Variants in ZBTB41 observed in about 807,000 individuals in gnomAD.
ZBTB41 encodes zinc finger and BTB domain containing 41, also known as zinc finger and BTB domain-containing protein 41.
ZBTB41 carries 42 observed loss-of-function variants against 87.6 expected under a neutral mutation model. The observed-to-expected ratio is 0.48, with a 90% confidence interval of 0.37 to 0.62. The LOEUF (loss-of-function observed/expected upper bound fraction) is 0.62, where lower values mean the gene tolerates loss of function less well. Among genes scored for constraint, ZBTB41 ranks in the 20% least tolerant of loss-of-function variants. The probability of loss-of-function intolerance (pLI) is 0.00; values close to 1 mark genes in which losing one functional copy is unlikely to be tolerated. For missense variants in ZBTB41, 799 were observed against 1,078.9 expected, an observed-to-expected ratio of 0.74 and a Z score of 3.63; for synonymous variants, 364 against 364.0, an observed-to-expected ratio of 1.00 and a Z score of 0.00.
At chr1:197,165,518 G>A in intron 10 of ZBTB41, among the ~76,000 whole-genome samples, 1 of 151,726 alleles carries the variant, frequency 6.6e-6, no homozygotes, top group East Asian at 1.9e-4. Flanking sequence ...GCTGAGGCGG[G>A]AGAATGGCGT....
intron 10 of ZBTB41, among the ~76,000 whole-genome samples, chr1:197,170,148 G>A (rs1369794760): frequency 6.6e-6 from 1 of 151,554 alleles, no homozygotes; most frequent in Non-Finnish European, 1.5e-5. Flanking sequence ...ATGAGGATAT[G>A]GAGAAAAGAC....
chr1:197,172,113 A>C (rs6428389), intron 10 of ZBTB41, 47 bp downstream of exon 10: 601,134 of 706,074 alleles, frequency 0.85, 262,181 homozygotes, highest in East Asian at 0.98. Flanking sequence ...CACTATATAT[A>C]TCTCTCTCTA....
chr1:197,175,195 A>G (rs1659573774), intron 8 of ZBTB41, 80 bp from the exon 9 acceptor site: 3 of 1,148,060 alleles, frequency 2.6e-6, no homozygotes, highest in Non-Finnish European at 3.7e-6. Flanking sequence ...TCAAACAGTA[A>G]GATCACATGA....
At chr1:197,176,866 T>C (rs539412711) in intron 7 of ZBTB41, among the ~76,000 whole-genome samples, 196 bp from the exon 8 acceptor site, 6 of 152,224 alleles carry the variant, frequency 3.9e-5, no homozygotes, top group Admixed American at 1.3e-4. Flanking sequence ...TACTCATCTC[T>C]TTCAAGAAAG....
chr1:197,159,828 T>C lies in ZBTB41; in HGVS notation c.2261A>G (p.Asp754Gly), dbSNP rs1659157036. The change falls in exon 11 of 11, where the codon GAT becomes GGT. Residue 754 changes from aspartate to glycine, a missense_variant. This residue lies in a region of ZBTB41 where 171 missense variants were observed against 191.9 expected (regional missense o/e 0.89). Coordinates refer to ENST00000367405, the MANE Select transcript of ZBTB41 (RefSeq NM_194314.3). The stretch of plus-strand genomic sequence containing the variant: ...TTTTTCCTCAGAAGTACTGAGAGGA[T>C]CATCAGGAGATTTTATTTCATGAAC... ...DHVHEIKSPD[D>G]PLSTSEEKLV... 1 of 1,613,878 alleles carries C rather than the reference T, an allele frequency of 6.2e-7. No homozygotes were observed. Among genetic ancestry groups the C allele is most frequent in the African/African-American group, 1.3e-5 (1 of 74,924 alleles).
At chr1:197,176,746 G>A (rs1056557096) in intron 7 of ZBTB41, 76 bp from the exon 8 acceptor site, 14 of 1,048,012 alleles carry the variant, frequency 1.3e-5, no homozygotes, top group Non-Finnish European at 1.5e-5. Flanking sequence ...AATAAATGAT[G>A]AATAAACAAT....
chr1:197,193,395 A>C (rs988466556), intron 2 of ZBTB41, among the ~76,000 whole-genome samples: 24 of 150,642 alleles, frequency 1.6e-4, no homozygotes, highest in East Asian at 5.9e-4. Context: ...CAAAAAAAAA[A>C]CCAAAAAAAC....
chr1:197,171,323 T>C (rs1487892874), intron 10 of ZBTB41, among the ~76,000 whole-genome samples: 1 of 152,116 alleles, frequency 6.6e-6, no homozygotes, highest in Non-Finnish European at 1.5e-5. Flanking sequence ...ACTGTATCAG[T>C]AGTAAATCCT....
In ZBTB41 at chr1:197,189,765, A is replaced by G. The variant is rs139618870; in HGVS notation, c.1398+997T>C. Among the ~76,000 whole-genome samples, 598 of 152,294 alleles carry G rather than the reference A, an allele frequency of 3.9e-3. 1 individual carries two copies. Among genetic ancestry groups the G allele is most frequent in the African/African-American group, 0.014 (575 of 41,558 alleles). Reference sequence around the variant, plus strand: ...AGTTTTTATCTAGGTTTCTTGGAACACATACTCACTCTTGGAACTTAGTTG... The same window carrying G: ...AGTTTTTATCTAGGTTTCTTGGAACGCATACTCACTCTTGGAACTTAGTTG... On this transcript the variant is annotated intron_variant, in intron 4 of 10. Coordinates refer to ENST00000367405, the MANE Select transcript of ZBTB41 (RefSeq NM_194314.3).
intron 2 of ZBTB41, among the ~76,000 whole-genome samples, chr1:197,197,456 G>A (rs1236209832): frequency 6.6e-6 from 1 of 150,968 alleles, no homozygotes; most frequent in Non-Finnish European, 1.5e-5. Context: ...ATTCAGAAAG[G>A]TCAGTCAGAA....
intron 6 of ZBTB41, among the ~76,000 whole-genome samples, chr1:197,180,773 T>C (rs1298538744): frequency 6.6e-6 from 1 of 152,118 alleles, no homozygotes; most frequent in African/African-American, 2.4e-5. Context: ...AGACATAAAA[T>C]ATGTACATTA....
rs1652725211 is a variant in ZBTB41 at position 197,200,579 on chromosome 1, G to A, written c.-106C>T. 2 of 1,137,538 alleles carry A rather than the reference G, an allele frequency of 1.8e-6. No individual in the cohort carries two copies. Among genetic ancestry groups the A allele is most frequent in the African/African-American group, 1.6e-5 (1 of 64,462 alleles). The allele number at this position is 1,137,538 out of a possible 1,614,324, so 70.5% of individuals were successfully genotyped here. On this transcript the variant is annotated 5_prime_UTR_variant, in exon 2 of 11. Coordinates refer to ENST00000367405, the MANE Select transcript of ZBTB41 (RefSeq NM_194314.3). The stretch of plus-strand genomic sequence containing the variant: ...ACAGCTTCTGAAGGGGCGTGCCCAA[G>A]GGTTTCATGGTCTGCAAAAGAGTGA...
intron 2 of ZBTB41, among the ~76,000 whole-genome samples, chr1:197,193,354 T>G (rs1043636993): frequency 2.2e-4 from 33 of 150,842 alleles, no homozygotes; most frequent in African/African-American, 8.0e-4. Flanking sequence ...CTGGCCAGCA[T>G]GGCAAAACCC....
At position 197,181,060 on chromosome 1, in the gene ZBTB41, C is replaced by T; in HGVS notation, c.1604G>A (p.Arg535His). 1 of 1,605,390 alleles carries T rather than the reference C, an allele frequency of 6.2e-7. No homozygotes were observed. The highest frequency in any genetic ancestry group is 8.5e-7 in the Non-Finnish European group (1 of 1,177,890). The change falls in exon 6 of 11, where the codon CGT becomes CAT. Residue 535 changes from arginine to histidine, a missense_variant. Physicochemically the swap from Arg to His is conservative, Grantham distance 29 (BLOSUM62 0). Around this residue, in one of 5 missense-constraint regions of ZBTB41, gnomAD observed 198 missense variants for 358.4 expected, o/e 0.55. Transcript: ENST00000367405. ...TCCACCATGAGTACATTCTATATGACGTTTCAAATTTCCAGTGTCGTTAAA... is the reference window on the plus strand; with the variant it reads ...TCCACCATGAGTACATTCTATATGATGTTTCAAATTTCCAGTGTCGTTAAA... ...RQFNDTGNLKRHIECTHGGKR... is the reference protein window; with the variant it reads ...RQFNDTGNLKHHIECTHGGKR...
At chr1:197,195,139 T>A (rs1660133413) in intron 2 of ZBTB41, among the ~76,000 whole-genome samples, 1 of 152,222 alleles carries the variant, frequency 6.6e-6, no homozygotes, top group Admixed American at 6.5e-5. Context: ...TATCAAAGTT[T>A]CAATTTCAAA....
At position 197,159,881 on chromosome 1, in the gene ZBTB41, T is replaced by C. The variant is rs1157658971; in HGVS notation, c.2208A>G (p.Lys736=). 2 of 1,614,010 alleles carry C rather than the reference T, an allele frequency of 1.2e-6. No homozygotes were observed. The highest frequency in any genetic ancestry group is 2.2e-5 in the East Asian group (1 of 44,882). Residue 736 remains lysine (K), a synonymous_variant, in exon 11 of 11, where the codon AAA becomes AAG. Coordinates refer to ENST00000367405, the MANE Select transcript of ZBTB41 (RefSeq NM_194314.3). ...CQHCNATFKR[K]DKLKYHIDHV... ...GGTCAATGTGGTATTTCAGCTTGTC[T>C]TTCCGCTTAAATGTTGCATTACAGT...
intron 5 of ZBTB41, among the ~76,000 whole-genome samples, chr1:197,187,944 C>G (rs367865865): frequency 5.9e-5 from 9 of 152,040 alleles, no homozygotes; most frequent in African/African-American, 2.2e-4. Flanking sequence ...ATAATGATAC[C>G]CGTCATTACA....
At position 197,159,158 on chromosome 1, in the gene ZBTB41, C is replaced by A; in HGVS notation, c.*201G>T. ...AATCTTTAAAAATCACAAAAATGTGCACTTCAAATATTATGCCAGAAATTT... is the reference window on the plus strand; with the variant it reads ...AATCTTTAAAAATCACAAAAATGTGAACTTCAAATATTATGCCAGAAATTT... On this transcript the variant is annotated 3_prime_UTR_variant, in exon 11 of 11. Coordinates refer to ENST00000367405, the MANE Select transcript of ZBTB41 (RefSeq NM_194314.3). The A allele has an allele frequency of 3.8e-6, 2 of 520,470 alleles. No individual in the cohort carries two copies. Among genetic ancestry groups the A allele is most frequent in the South Asian group, 3.4e-5 (1 of 29,690 alleles). 32.2% of individuals were successfully genotyped at this position (520,470 alleles called of 1,614,324 possible).
rs1187335686 is a variant in ZBTB41 at position 197,158,297 on chromosome 1, C to T, written c.*1062G>A. The stretch of plus-strand genomic sequence containing the variant: ...TTAAAGATCTGGATTGCATGTAAAT[C>T]TGTATATAAGTAGTGGTTCCATTTA... On this transcript the variant is annotated 3_prime_UTR_variant, in exon 11 of 11. Coordinates refer to ENST00000367405, the MANE Select transcript of ZBTB41 (RefSeq NM_194314.3). 1 of 152,318 alleles carries T rather than the reference C, an allele frequency of 6.6e-6. No homozygotes were observed. The highest frequency in any genetic ancestry group is 1.5e-5 in the Non-Finnish European group (1 of 67,854). 9.4% of individuals were successfully genotyped at this position (152,318 alleles called of 1,614,324 possible).
Sources: gnomAD v4.1 joint callset for allele counts (sites outside exome capture counted in the v4.1 genomes callset) on GRCh38, gnomAD v4.1.1 for gene constraint, gnomAD v4.1.1 regional missense constraint, MANE v1.5 for transcripts, NCBI Gene and HGNC (gene_info 2026-07-23, HGNC 2026-07-21) for gene names.